RTN1: variants seen among roughly 807,000 people sequenced by gnomAD.
RTN1 encodes reticulon 1, also known as reticulon-1.
Under a neutral mutation model 65.5 loss-of-function variants are expected in RTN1, and 25 were observed. That is an observed-to-expected ratio of 0.38 (90% CI 0.28 to 0.53). The LOEUF is 0.53. Among genes scored for constraint, RTN1 ranks in the 20% least tolerant of loss-of-function variants. RTN1 has a pLI of 0.79. For synonymous variants in RTN1, 471 were observed against 447.6 expected (o/e 1.05, Z -0.66); for missense variants, 983 against 1,025.4 (o/e 0.96, Z 0.57).
chr14:59,711,845 A>C (rs1393613864), intron 3 of RTN1, among the ~76,000 whole-genome samples: 1 of 152,232 alleles, frequency 6.6e-6, no homozygotes, highest in Non-Finnish European at 1.5e-5. Context: ...TCAAATTTCC[A>C]GTGCGCTCCA....
chr14:59,620,434 T>C (rs1882224892), intron 3 of RTN1, among the ~76,000 whole-genome samples: 2 of 152,248 alleles, frequency 1.3e-5, no homozygotes, highest in South Asian at 4.2e-4. Flanking sequence ...CCAAATGAGA[T>C]GTCCTGTAGT....
At chr14:59,819,981 CAG>C (rs578130614) in intron 1 of RTN1, among the ~76,000 whole-genome samples, 12 of 152,344 alleles carry the variant, frequency 7.9e-5, no homozygotes, top group Non-Finnish European at 1.6e-4. Context: ...CCAGCCCAGA[CAG>C]GGGCTCTCAC....
intron 1 of RTN1, among the ~76,000 whole-genome samples, chr14:59,781,978 G>A (rs1886163737): frequency 1.3e-5 from 2 of 152,138 alleles, no homozygotes; most frequent in Admixed American, 1.3e-4. Flanking sequence ...ATGGTATGAG[G>A]AGGTAGGGCC....
At chr14:59,773,548 C>T (rs1566722289) in intron 1 of RTN1, among the ~76,000 whole-genome samples, 1 of 152,058 alleles carries the variant, frequency 6.6e-6, no homozygotes, top group Non-Finnish European at 1.5e-5. Context: ...TCCATTAAGC[C>T]TTTAAGTATT....
At chr14:59,782,189 G>A (rs546784857) in intron 1 of RTN1, among the ~76,000 whole-genome samples, 1 of 152,270 alleles carries the variant, frequency 6.6e-6, no homozygotes, top group South Asian at 2.1e-4. Context: ...GGATCTGCAA[G>A]AAATAAGTTT....
chr14:59,667,334 C>T (rs1291099956), intron 3 of RTN1, among the ~76,000 whole-genome samples: 1 of 152,102 alleles, frequency 6.6e-6, no homozygotes, highest in Non-Finnish European at 1.5e-5. Context: ...TAATCCATCA[C>T]ATAAACAGAA....
chr14:59,779,733 T>C (rs1886118604), intron 1 of RTN1, among the ~76,000 whole-genome samples: 1 of 152,162 alleles, frequency 6.6e-6, no homozygotes, highest in Non-Finnish European at 1.5e-5. Context: ...GACCCTCTTT[T>C]AGAGAACTTA....
At chr14:59,716,701 T>C (rs1457221044) in intron 3 of RTN1, among the ~76,000 whole-genome samples, 1 of 151,752 alleles carries the variant, frequency 6.6e-6, no homozygotes, top group Non-Finnish European at 1.5e-5. Flanking sequence ...GGTTGACCTG[T>C]AATCCCAGCA....
intron 1 of RTN1, among the ~76,000 whole-genome samples, chr14:59,824,159 A>G (rs1886990829): frequency 6.6e-6 from 1 of 152,224 alleles, no homozygotes; most frequent in African/African-American, 2.4e-5. Context: ...TCAATAGATG[A>G]TAACTATGAT....
chr14:59,668,378 G>A (rs1233530230), intron 3 of RTN1, among the ~76,000 whole-genome samples: 1 of 152,178 alleles, frequency 6.6e-6, no homozygotes, highest in East Asian at 1.9e-4. Context: ...AATAAATGGT[G>A]CTGGGAAAAC....
Position 59,870,610 on chromosome 14 carries a change from C to A in RTN1, c.21G>T (p.Pro7=). The A allele has an allele frequency of 7.0e-7, 1 of 1,427,854 alleles. No homozygotes were observed. The highest frequency in any genetic ancestry group is 9.1e-7 in the Non-Finnish European group (1 of 1,095,164). 88.4% of individuals were successfully genotyped at this position (1,427,854 alleles called of 1,614,324 possible). ...CGGCCAGCGGCAGCAGCTCGTCCTG[C>A]GGATCCCCCGGCGCGGCCATGGCTG... MAAPGD[P]QDELLPLAGP... The change falls in exon 1 of 9, where the codon CCG becomes CCT. Residue 7 remains proline (P), a synonymous_variant. Transcript: ENST00000267484. This position sits in a 1 kb window ranked among gnomAD's most constrained non-coding sequence, Gnocchi z 5.1.
chr14:59,733,549 G>T (rs757119817), intron 2 of RTN1, among the ~76,000 whole-genome samples: 3 of 152,072 alleles, frequency 2.0e-5, no homozygotes, highest in Non-Finnish European at 4.4e-5. Context: ...CTCCCTCCTG[G>T]GCTGGCATTC....
chr14:59,834,874 G>A (rs1375153735), intron 1 of RTN1, among the ~76,000 whole-genome samples: 5 of 152,228 alleles, frequency 3.3e-5, no homozygotes, highest in African/African-American at 1.2e-4. Context: ...GTAAGGATGT[G>A]AAGAAATTGA....
intron 1 of RTN1, among the ~76,000 whole-genome samples, chr14:59,775,400 CT>C (rs1385583051): frequency 6.6e-6 from 1 of 151,946 alleles, no homozygotes; most frequent in Non-Finnish European, 1.5e-5. Flanking sequence ...TTTGTAGGAG[CT>C]AGAATTACTA....
At chr14:59,751,066 G>A (rs1345389923) in intron 1 of RTN1, among the ~76,000 whole-genome samples, 1 of 151,674 alleles carries the variant, frequency 6.6e-6, no homozygotes, top group African/African-American at 2.4e-5. Context: ...TATCAGTATT[G>A]TGTGAAAAGA....
chr14:59,674,456 T>C (rs546827718), intron 3 of RTN1, among the ~76,000 whole-genome samples: 12 of 152,354 alleles, frequency 7.9e-5, no homozygotes, highest in African/African-American at 2.6e-4. Context: ...TTCTTTCAAA[T>C]GCTTGGTTTC....
rs116642002 is a variant in RTN1 at position 59,729,423 on chromosome 14, T to A, written c.1016-1755A>T. On this transcript the variant is annotated intron_variant, in intron 2 of 8. Transcript: ENST00000267484. ...ACTTAAAACAACAACTACTTCATTA[T>A]CTCTCATATGAATCATGTTTTTAAA... Among the ~76,000 whole-genome samples, 716 of 152,270 alleles carry A rather than the reference T, an allele frequency of 4.7e-3. 7 individuals are homozygous for A. Among genetic ancestry groups the A allele is most frequent in the African/African-American group, 0.017 (700 of 41,528 alleles).
intron 1 of RTN1, among the ~76,000 whole-genome samples, chr14:59,795,126 C>T (rs1401573383): frequency 6.6e-6 from 1 of 152,110 alleles, no homozygotes; most frequent in East Asian, 1.9e-4. Context: ...TGTTTGTGTG[C>T]ATACCAGCTG....
At chr14:59,618,491 C>T (rs1882168685) in intron 3 of RTN1, among the ~76,000 whole-genome samples, 1 of 152,228 alleles carries the variant, frequency 6.6e-6, no homozygotes, top group South Asian at 2.1e-4. Flanking sequence ...CTTCCGCCCA[C>T]CCACAAAGTT....
Sources: allele counts gnomAD v4.1 joint callset (sites outside exome capture counted in the v4.1 genomes callset), GRCh38; gene constraint gnomAD v4.1.1; non-coding constraint Gnocchi (gnomAD v3.1); transcripts MANE v1.5; gene names NCBI Gene and HGNC (gene_info 2026-07-23, HGNC 2026-07-21).